WDR59: variants seen among roughly 807,000 people sequenced by gnomAD.
WDR59 encodes WD repeat domain 59, also known as GATOR2 complex protein WDR59.
Under a neutral mutation model 131.2 loss-of-function variants are expected in WDR59, and 100 were observed. The ratio of observed to expected loss-of-function variants is 0.76; its 90% confidence interval spans 0.65 to 0.90. WDR59 has a LOEUF of 0.90. WDR59 is among the 40% of genes least tolerant of loss of function. The probability of loss-of-function intolerance (pLI) is 0.00; values close to 1 mark genes in which losing one functional copy is unlikely to be tolerated. For synonymous variants in WDR59, 601 were observed against 466.2 expected (o/e 1.29, Z -3.72); for missense variants, 1,203 against 1,262.2 (o/e 0.95, Z 0.71).
chr16:74,938,032 A>G (rs1300268770), intron 8 of WDR59, 118 bp downstream of exon 8: 3 of 658,020 alleles, frequency 4.6e-6, no homozygotes. Context: ...CAAGAAGCAC[A>G]TGCACCGTGA....
At chr16:74,959,775 A>G (rs888660666) in intron 2 of WDR59, among the ~76,000 whole-genome samples, 5 of 151,236 alleles carry the variant, frequency 3.3e-5, no homozygotes, top group African/African-American at 1.2e-4. Context: ...ACAGAAAAAG[A>G]AAAGGAAAGA....
At chr16:74,938,396 CTTTG>C (rs1219125838) in intron 7 of WDR59, 130 bp from the exon 8 acceptor site, 1 of 564,984 alleles carries the variant, frequency 1.8e-6, no homozygotes, top group Non-Finnish European at 2.9e-6. Context: ...CCTACACAGA[CTTTG>C]TTTGTTTTGG....
At position 74,924,022 on chromosome 16, in the gene WDR59, G is replaced by T; in HGVS notation, c.652-19C>A. On this transcript the variant is annotated intron_variant, in intron 8 of 25. Transcript: ENST00000262144. ...CCCAGAACTAGAAGAGAGCAAGCAA[G>T]ATCATTTGTGAAATAAATGCCATTA... The T allele has an allele frequency of 6.2e-7, 1 of 1,610,270 alleles. No individual in the cohort carries two copies. The highest frequency in any genetic ancestry group is 8.5e-7 in the Non-Finnish European group (1 of 1,178,104).
intron 5 of WDR59, among the ~76,000 whole-genome samples, chr16:74,948,837 C>T (rs2032812941): frequency 6.6e-6 from 1 of 152,060 alleles, no homozygotes; most frequent in South Asian, 2.1e-4. Flanking sequence ...CCCATCTCTA[C>T]TAAAAATACA....
At chr16:74,971,653 G>A (rs2033990218) in intron 1 of WDR59, among the ~76,000 whole-genome samples, 2 of 151,750 alleles carry the variant, frequency 1.3e-5, no homozygotes, top group Non-Finnish European at 2.9e-5. Context: ...GGCTGGTCTC[G>A]AACTACTGAC....
At chr16:74,923,131 T>A (rs1302981817) in intron 9 of WDR59, among the ~76,000 whole-genome samples, 1 of 152,206 alleles carries the variant, frequency 6.6e-6, no homozygotes, top group Non-Finnish European at 1.5e-5. Flanking sequence ...ATTGTATACT[T>A]TGGTGGATTT....
intron 18 of WDR59, among the ~76,000 whole-genome samples, chr16:74,897,659 C>T (rs750809145): frequency 4.6e-5 from 7 of 152,090 alleles, no homozygotes; most frequent in Non-Finnish European, 8.8e-5. Flanking sequence ...GGGAGGTTCC[C>T]CAACAAAGGA....
intron 21 of WDR59, among the ~76,000 whole-genome samples, chr16:74,889,304 G>A (rs991357176): frequency 6.6e-6 from 1 of 151,888 alleles, no homozygotes; most frequent in Admixed American, 6.5e-5. Flanking sequence ...GGGTGAAAGC[G>A]TCGTGGTCTT....
intron 1 of WDR59, among the ~76,000 whole-genome samples, chr16:74,974,777 T>TA (rs1285530063): frequency 6.6e-6 from 1 of 152,186 alleles, no homozygotes; most frequent in Admixed American, 6.5e-5. Context: ...ACTGAGTCCC[T>TA]AATGAACTTC....
chr16:74,935,297 A>C (rs1321832136), intron 8 of WDR59, among the ~76,000 whole-genome samples: 1 of 152,128 alleles, frequency 6.6e-6, no homozygotes, highest in Non-Finnish European at 1.5e-5. Context: ...AGAAGGCAGC[A>C]ATTTTGTGAA....
chr16:74,922,212 G>A (rs1012811592), intron 9 of WDR59, 109 bp from the exon 10 acceptor site: 2 of 1,403,382 alleles, frequency 1.4e-6, no homozygotes, highest in South Asian at 1.4e-5. Context: ...ATTAGATAAT[G>A]GAAGGCCCCA....
intron 17 of WDR59, among the ~76,000 whole-genome samples, chr16:74,907,252 A>G (rs1160337185): frequency 3.9e-5 from 6 of 152,082 alleles, no homozygotes; most frequent in Non-Finnish European, 7.4e-5. Flanking sequence ...ATTCATTCAT[A>G]ACTGATATGG....
intron 7 of WDR59, among the ~76,000 whole-genome samples, chr16:74,939,897 A>G (rs1203238358): frequency 2.0e-5 from 3 of 152,118 alleles, no homozygotes; most frequent in Non-Finnish European, 4.4e-5. Context: ...AGCTGGGAGG[A>G]TCACTTGAGT....
intron 25 of WDR59, among the ~76,000 whole-genome samples, chr16:74,878,044 T>A (rs996231815): frequency 6.6e-6 from 1 of 152,346 alleles, no homozygotes. Flanking sequence ...AAATGACAAG[T>A]GGCCAACACT....
chr16:74,937,274 C>T (rs998723441), intron 8 of WDR59, among the ~76,000 whole-genome samples: 1 of 152,180 alleles, frequency 6.6e-6, no homozygotes, highest in Non-Finnish European at 1.5e-5. Context: ...TTGAGCATTT[C>T]CTGTAAGTTA....
rs1295672056 is a variant in WDR59, at chr16:74,892,579, A to G, written c.2001-14T>C. 1.2e-6 allele frequency: 2 copies of G among 1,606,232 alleles called. No individual in the cohort carries two copies. The highest frequency in any genetic ancestry group is 3.3e-5 in the Admixed American group (2 of 59,920). The stretch of plus-strand genomic sequence containing the variant: ...TTCACATTCAATCTGAAATTTTTTA[A>G]AAAGAATTAAACATTTCTTTCTAGT... On this transcript the variant is annotated splice_polypyrimidine_tract_variant and intron_variant, in intron 19 of 25. Transcript: ENST00000262144.
intron 25 of WDR59, among the ~76,000 whole-genome samples, chr16:74,882,920 A>T (rs1191279706): frequency 6.7e-6 from 1 of 150,154 alleles, no homozygotes; most frequent in Non-Finnish European, 1.5e-5. Context: ...TATGCATCTT[A>T]TTACAAAACC....
intron 1 of WDR59, 146 bp downstream of exon 1, chr16:74,984,818 G>T: frequency 8.7e-7 from 1 of 1,155,096 alleles, no homozygotes; most frequent in Non-Finnish European, 1.2e-6. Context: ...CCCCGACGGG[G>T]CCTAAGAGGT....
At position 74,916,415 on chromosome 16, in the gene WDR59, A is replaced by G. The variant is rs151010527; in HGVS notation, c.967-156T>C. On this transcript the variant is annotated intron_variant, in intron 11 of 25. Coordinates refer to ENST00000262144, the MANE Select transcript of WDR59 (RefSeq NM_030581.4). ...TCAAAATAGATTTTACCCATTGCCA[A>G]CTCTCCCTGGTTAAACACCAGGGAT... 1.6e-3 allele frequency among the ~76,000 whole-genome samples: 238 copies of G among 152,180 alleles called. 1 individual carries two copies. Among genetic ancestry groups the G allele is most frequent in the African/African-American group, 5.4e-3 (226 of 41,550 alleles).
Sources: gnomAD v4.1 joint callset for allele counts (sites outside exome capture counted in the v4.1 genomes callset) on GRCh38, gnomAD v4.1.1 for gene constraint, MANE v1.5 for transcripts, NCBI Gene and HGNC (gene_info 2026-07-23, HGNC 2026-07-21) for gene names.